BAIAP2L1: variants seen among roughly 807,000 people sequenced by gnomAD.
BAIAP2L1 encodes BAR/IMD domain-containing adapter protein 2-like 1.
Under a neutral mutation model 66.3 loss-of-function variants are expected in BAIAP2L1, and 35 were observed. The observed-to-expected ratio is 0.53, with a 90% CI of 0.40 to 0.70. The LOEUF (loss-of-function observed/expected upper bound fraction) is 0.70. Ranked by LOEUF, BAIAP2L1 falls within the 30% of genes least tolerant of loss-of-function variation. The pLI is 0.00. For missense variants in BAIAP2L1, 622 were observed against 656.9 expected, an observed-to-expected ratio of 0.95 and a Z score of 0.58; for synonymous variants, 269 against 248.7, an observed-to-expected ratio of 1.08 and a Z score of -0.77.
At chr7:98,310,174 T>C in intron 9 of BAIAP2L1, 1 of 373,108 alleles carries the variant, frequency 2.7e-6, no homozygotes, top group Non-Finnish European at 4.8e-6. Context: ...AAATAGATAA[T>C]TCTCAACAGT....
intron 1 of BAIAP2L1, among the ~76,000 whole-genome samples, chr7:98,393,294 G>C (rs1410387654): frequency 1.3e-5 from 2 of 151,500 alleles, no homozygotes; most frequent in Non-Finnish European, 2.9e-5. Context: ...CATCCTCCTC[G>C]GCCTCCCACA....
rs943706541 is a variant in BAIAP2L1 at position 98,400,869 on chromosome 7, C to A, written c.-17G>T. 1 of 1,535,706 alleles carries A rather than the reference C, an allele frequency of 6.5e-7. No homozygotes were observed. The highest frequency in any genetic ancestry group is 8.8e-7 in the Non-Finnish European group (1 of 1,140,318). On this transcript the variant is annotated 5_prime_UTR_variant, in exon 1 of 14. Coordinates refer to ENST00000005260, the MANE Select transcript of BAIAP2L1 (RefSeq NM_018842.5). Reference sequence around the variant, plus strand: ...CCGGGACATGGCTGCGGCCGCCGGGCGAGCAAGCGCGGGAGGACGCGGCTG... The same window carrying A: ...CCGGGACATGGCTGCGGCCGCCGGGAGAGCAAGCGCGGGAGGACGCGGCTG...
At position 98,319,055 on chromosome 7, in the gene BAIAP2L1, G is replaced by A. The variant is rs188973165; in HGVS notation, c.348+1003C>T. ...ATGAAATGCACCTTAGCAGCTGTCC[G>A]GGTCCTGTGGCCTCCTGCCGGGAGG... On this transcript the variant is annotated intron_variant, in intron 5 of 13. Coordinates refer to ENST00000005260, the MANE Select transcript of BAIAP2L1 (RefSeq NM_018842.5). Among the ~76,000 whole-genome samples the A allele has an allele frequency of 2.8e-3, 426 of 152,172 alleles. 3 individuals are homozygous for A. Among genetic ancestry groups the A allele is most frequent in the African/African-American group, 9.7e-3 (401 of 41,530 alleles).
At chr7:98,330,935 T>C (rs566076337) in intron 3 of BAIAP2L1, among the ~76,000 whole-genome samples, 1 of 152,236 alleles carries the variant, frequency 6.6e-6, no homozygotes, top group Non-Finnish European at 1.5e-5. Flanking sequence ...TCTGCCCCCA[T>C]GACACAAATA....
chr7:98,292,533 C>T lies in BAIAP2L1; in HGVS notation c.*988G>A. On this transcript the variant is annotated 3_prime_UTR_variant, in exon 14 of 14. Coordinates refer to ENST00000005260, the MANE Select transcript of BAIAP2L1 (RefSeq NM_018842.5). Reference sequence around the variant, plus strand: ...ATCCTTGGCAGCCAAAGATGATTTCCAGCCCCGGGCTCAGGGCAGCCAGTG... The same window carrying T: ...ATCCTTGGCAGCCAAAGATGATTTCTAGCCCCGGGCTCAGGGCAGCCAGTG... 1.8e-6 allele frequency: 2 copies of T among 1,111,220 alleles called. No individual in the cohort carries two copies. Among genetic ancestry groups the T allele is most frequent in the Non-Finnish European group, 2.6e-6 (2 of 759,034 alleles). The allele number at this position is 1,111,220 out of a possible 1,614,324, so 68.8% of individuals were successfully genotyped here.
At chr7:98,356,455 C>T (rs1802119293) in intron 2 of BAIAP2L1, among the ~76,000 whole-genome samples, 1 of 151,962 alleles carries the variant, frequency 6.6e-6, no homozygotes, top group Non-Finnish European at 1.5e-5. Flanking sequence ...GCTGCAATGC[C>T]GCAATGTATA....
rs975622476 is a variant in BAIAP2L1, at chr7:98,304,184, G to A, written c.1422+12C>T. 57 of 1,566,586 alleles carry A rather than the reference G, an allele frequency of 3.6e-5. No individual in the cohort carries two copies. Among genetic ancestry groups the A allele is most frequent in the Non-Finnish European group, 4.5e-5 (52 of 1,155,472 alleles). The stretch of plus-strand genomic sequence containing the variant: ...TCCAGGACCCAGGACGCCCTGCTGC[G>A]GCTTTACTCACAGGAGCCGCGGTCT... On this transcript the variant is annotated intron_variant, in intron 12 of 13. Coordinates refer to ENST00000005260, the MANE Select transcript of BAIAP2L1 (RefSeq NM_018842.5).
chr7:98,345,011 CT>C (rs764917753), intron 3 of BAIAP2L1, among the ~76,000 whole-genome samples: 4 of 152,184 alleles, frequency 2.6e-5, no homozygotes, highest in Non-Finnish European at 5.9e-5. Context: ...GGCATTTCTA[CT>C]TTTCATTTCC....
chr7:98,304,481 A>T, intron 11 of BAIAP2L1, 105 bp from the exon 12 acceptor site: 2 of 1,079,640 alleles, frequency 1.9e-6, no homozygotes, highest in Non-Finnish European at 2.7e-6. Flanking sequence ...GTACATCACC[A>T]ATCAAAACCT....
intron 1 of BAIAP2L1, among the ~76,000 whole-genome samples, chr7:98,395,221 C>T (rs914481894): frequency 6.6e-5 from 10 of 150,650 alleles, no homozygotes; most frequent in East Asian, 2.0e-4. Flanking sequence ...GGGTGGATCA[C>T]GAGGTCAGGA....
At chr7:98,335,293 G>C (rs557948481) in intron 3 of BAIAP2L1, among the ~76,000 whole-genome samples, 1 of 138,576 alleles carries the variant, frequency 7.2e-6, no homozygotes, top group South Asian at 2.2e-4. Context: ...TTCCAACGCT[G>C]ACCATGGGGA....
chr7:98,354,981 T>C (rs1411772768), intron 3 of BAIAP2L1, 61 bp downstream of exon 3: 6 of 1,308,048 alleles, frequency 4.6e-6, no homozygotes, highest in Non-Finnish European at 6.7e-6. Context: ...ATCCCACGCG[T>C]TTCTCTTGGG....
intron 3 of BAIAP2L1, among the ~76,000 whole-genome samples, chr7:98,321,793 G>A (rs1022965069): frequency 3.3e-5 from 5 of 152,060 alleles, no homozygotes; most frequent in African/African-American, 9.7e-5. Context: ...ACAGCTCAGC[G>A]GCCAGATAAA....
At chr7:98,332,158 G>A (rs745515579) in intron 3 of BAIAP2L1, among the ~76,000 whole-genome samples, 6 of 143,904 alleles carry the variant, frequency 4.2e-5, no homozygotes, top group Non-Finnish European at 5.9e-5. Context: ...TGAGGCGGGT[G>A]GATCACTTGA....
intron 1 of BAIAP2L1, chr7:98,386,548 C>T (rs997036119): frequency 1.0e-5 from 16 of 1,597,200 alleles, no homozygotes; most frequent in Admixed American, 8.3e-5. Flanking sequence ...CCCTTTTTGC[C>T]GCCTTTCGTA....
rs751086471 is a variant in BAIAP2L1, at chr7:98,304,177, C to G, written c.1422+19G>C. The G allele has an allele frequency of 6.4e-7, 1 of 1,555,854 alleles. No homozygotes were observed. The highest frequency in any genetic ancestry group is 8.7e-7 in the Non-Finnish European group (1 of 1,149,692). On this transcript the variant is annotated intron_variant, in intron 12 of 13. Coordinates refer to ENST00000005260, the MANE Select transcript of BAIAP2L1 (RefSeq NM_018842.5). ...TGGCGAGTCCAGGACCCAGGACGCC[C>G]TGCTGCGGCTTTACTCACAGGAGCC...
intron 3 of BAIAP2L1, among the ~76,000 whole-genome samples, chr7:98,338,500 C>T (rs1219151318): frequency 6.6e-6 from 1 of 151,808 alleles, no homozygotes; most frequent in Non-Finnish European, 1.5e-5. Flanking sequence ...TCAAAATCTG[C>T]CTTCTCCCTT....
intron 5 of BAIAP2L1, 66 bp downstream of exon 5, chr7:98,319,992 G>T: frequency 7.6e-7 from 1 of 1,320,508 alleles, no homozygotes; most frequent in South Asian, 1.3e-5. Context: ...CAGTGGGAAC[G>T]AGTTCTCCCC....
rs534941074 is a variant in BAIAP2L1, at chr7:98,316,761, T to C, written c.486+458A>G. 8.5e-5 allele frequency among the ~76,000 whole-genome samples: 13 copies of C among 152,140 alleles called. No individual in the cohort carries two copies. In the East Asian group the frequency reaches 2.3e-3, roughly 27 times the overall value. On this transcript the variant is annotated intron_variant, in intron 6 of 13. Coordinates refer to ENST00000005260, the MANE Select transcript of BAIAP2L1 (RefSeq NM_018842.5). ...GTATGTTTGGACCCATTAACCAACC[T>C]CTCCTTCATCCACTCCCCAGTCAAC...
Sources: gnomAD v4.1 joint callset for allele counts (sites outside exome capture counted in the v4.1 genomes callset) on GRCh38, gnomAD v4.1.1 for gene constraint, MANE v1.5 for transcripts, NCBI Gene and HGNC (gene_info 2026-07-23, HGNC 2026-07-21) for gene names.